The following MEOX2 variants were observed in gnomAD, a reference collection of about 807,000 sequenced individuals.
MEOX2 encodes homeobox protein MOX-2.
In MEOX2, 11 loss-of-function variants were observed where a neutral mutation model predicts 27.0. The ratio of observed to expected loss-of-function variants is 0.41; its 90% CI spans 0.26 to 0.68. The LOEUF (loss-of-function observed/expected upper bound fraction) is 0.68, where lower values mean the gene tolerates loss of function less well. Ranked by LOEUF, MEOX2 falls within the 30% of genes least tolerant of loss-of-function variation. MEOX2 has a pLI of 0.33. For synonymous variants in MEOX2, 189 were observed against 155.4 expected (o/e 1.22, Z -1.61); for missense variants, 436 against 385.4 (o/e 1.13, Z -1.10).
intron 2 of MEOX2, among the ~76,000 whole-genome samples, chr7:15,623,665 T>A (rs1397179935): frequency 6.6e-6 from 1 of 152,038 alleles, no homozygotes; most frequent in East Asian, 1.9e-4. Context: ...GAGCTACCAC[T>A]CCCAGCTTGA....
intron 2 of MEOX2, among the ~76,000 whole-genome samples, chr7:15,619,810 A>G (rs1781192188): frequency 6.6e-6 from 1 of 152,068 alleles, no homozygotes; most frequent in Non-Finnish European, 1.5e-5. Flanking sequence ...TTTTTAAAAT[A>G]TTATTTGAAA....
At chr7:15,615,217 T>G (rs1377402968) in intron 2 of MEOX2, among the ~76,000 whole-genome samples, 1 of 152,120 alleles carries the variant, frequency 6.6e-6, no homozygotes, top group Non-Finnish European at 1.5e-5. Context: ...CCAGATATTA[T>G]TACCATTATT....
intron 2 of MEOX2, among the ~76,000 whole-genome samples, chr7:15,626,196 T>C (rs1160919507): frequency 1.3e-5 from 2 of 152,282 alleles, no homozygotes; most frequent in East Asian, 3.9e-4. Context: ...GTAGTTACCA[T>C]GGACACCACA....
chr7:15,675,693 T>C (rs1361033289), intron 1 of MEOX2, among the ~76,000 whole-genome samples: 1 of 152,196 alleles, frequency 6.6e-6, no homozygotes, highest in African/African-American at 2.4e-5. Flanking sequence ...TAATCATCTG[T>C]TTAAATATTA....
intron 1 of MEOX2, chr7:15,681,473 A>T (rs1399516977): frequency 6.8e-6 from 1 of 147,046 alleles, no homozygotes; most frequent in African/African-American, 2.6e-5. Context: ...ACATTTCTTA[A>T]GTGCAAAAAA....
At chr7:15,634,331 T>A (rs1457376268) in intron 1 of MEOX2, among the ~76,000 whole-genome samples, 3 of 152,038 alleles carry the variant, frequency 2.0e-5, no homozygotes, top group Middle Eastern at 3.4e-3. Context: ...GTTTAGAACA[T>A]CCCTGGCTTC....
At chr7:15,664,757 T>C (rs538100675) in intron 1 of MEOX2, among the ~76,000 whole-genome samples, 4 of 152,270 alleles carry the variant, frequency 2.6e-5, no homozygotes, top group African/African-American at 9.6e-5. Context: ...ACAGATTTAT[T>C]TCTTGGCTTA....
chr7:15,646,991 A>T (rs1781660828), intron 1 of MEOX2, among the ~76,000 whole-genome samples: 4 of 151,886 alleles, frequency 2.6e-5, no homozygotes, highest in African/African-American at 9.7e-5. Flanking sequence ...ATCTGGACAT[A>T]CTCCCCCAAG....
intron 2 of MEOX2, among the ~76,000 whole-genome samples, chr7:15,619,336 A>G (rs1280887066): frequency 6.6e-6 from 1 of 151,960 alleles, no homozygotes; most frequent in Non-Finnish European, 1.5e-5. Flanking sequence ...TTAGCAGTAC[A>G]CTCTAAGTGA....
chr7:15,640,756 T>C (rs1781546992), intron 1 of MEOX2, among the ~76,000 whole-genome samples: 1 of 152,140 alleles, frequency 6.6e-6, no homozygotes, highest in Admixed American at 6.6e-5. Flanking sequence ...TTTTAACAAA[T>C]GCTTTTTCTG....
intron 2 of MEOX2, among the ~76,000 whole-genome samples, chr7:15,626,068 T>G (rs762750610): frequency 1.4e-4 from 21 of 152,126 alleles, no homozygotes; most frequent in Admixed American, 4.6e-4. Flanking sequence ...ATCTTGCACC[T>G]AAGCCGCACC....
chr7:15,655,684 T>G (rs1009871580), intron 1 of MEOX2, among the ~76,000 whole-genome samples: 5 of 151,810 alleles, frequency 3.3e-5, no homozygotes, highest in African/African-American at 1.2e-4. Flanking sequence ...TGTTATTAAT[T>G]TCTAGTTTAA....
intron 1 of MEOX2, among the ~76,000 whole-genome samples, chr7:15,667,289 C>CAAAAAAA (rs532691969): frequency 0.013 from 534 of 40,920 alleles, 75 homozygotes; most frequent in African/African-American, 0.04. Context: ...GACTCTGTCT[C>CAAAAAAA]AAAAAAAAAA....
At chr7:15,648,599 C>T (rs1016996928) in intron 1 of MEOX2, among the ~76,000 whole-genome samples, 1 of 151,992 alleles carries the variant, frequency 6.6e-6, no homozygotes, top group African/African-American at 2.4e-5. Flanking sequence ...CATAAAAATG[C>T]CATGGTGCTT....
chr7:15,678,699 C>CA (rs1280451773), intron 1 of MEOX2, among the ~76,000 whole-genome samples: 10 of 152,150 alleles, frequency 6.6e-5, no homozygotes, highest in Admixed American at 1.3e-4. Context: ...TATCACTTTG[C>CA]AAAAATAAGT....
At position 15,612,266 on chromosome 7, in the gene MEOX2, G is replaced by T; in HGVS notation, c.*121C>A. On this transcript the variant is annotated 3_prime_UTR_variant, in exon 3 of 3. Transcript: ENST00000262041. ...AAATCATGAAAAACAGATTCGAAAT[G>T]CCTGGATTTAATAATATTAAACATC... The T allele has an allele frequency of 2.5e-6, 2 of 800,870 alleles. No homozygotes were observed. The highest frequency in any genetic ancestry group is 4.0e-6 in the Non-Finnish European group (2 of 494,972). 49.6% of individuals were successfully genotyped at this position (800,870 alleles called of 1,614,324 possible).
chr7:15,676,298 C>T (rs1203429035), intron 1 of MEOX2: 1 of 152,124 alleles, frequency 6.6e-6, no homozygotes, highest in African/African-American at 2.4e-5. Context: ...TCTGTTCATG[C>T]ATTTTGTGTG....
intron 2 of MEOX2, among the ~76,000 whole-genome samples, chr7:15,619,260 A>C (rs1206876048): frequency 6.6e-6 from 1 of 152,048 alleles, no homozygotes; most frequent in Non-Finnish European, 1.5e-5. Context: ...AATAAAACTT[A>C]TGGATGCAAG....
At chr7:15,656,783 A>T (rs1398928523) in intron 1 of MEOX2, among the ~76,000 whole-genome samples, 1 of 151,840 alleles carries the variant, frequency 6.6e-6, no homozygotes, top group East Asian at 1.9e-4. Context: ...TACCCTTGCC[A>T]TTGTTCTTTT....
Sources: allele counts gnomAD v4.1 joint callset (sites outside exome capture counted in the v4.1 genomes callset), GRCh38; gene constraint gnomAD v4.1.1; transcripts MANE v1.5; gene names NCBI Gene and HGNC (gene_info 2026-07-23, HGNC 2026-07-21).